KBTBD11: variants seen among roughly 807,000 people sequenced by gnomAD.
The protein encoded by KBTBD11 is kelch repeat and BTB domain containing 11, also known as kelch repeat and BTB domain-containing protein 11.
For missense variants in KBTBD11, 1,390 were observed against 1,001.8 expected, an observed-to-expected ratio of 1.39 and a Z score of -5.23; for synonymous variants, 747 against 499.0, an observed-to-expected ratio of 1.50 and a Z score of -6.63.
At position 2,001,121 on chromosome 8, in the gene KBTBD11, AGGCTCGACCTT is replaced by A; in HGVS notation, c.-68_-58del. ...CTGTGAGGCTGGAAACCCCGGAGTAAGGCTCGACCTTGGCCAGACCTGCAGGCTGCGGAACC... is the reference window on the plus strand; with the variant it reads ...CTGTGAGGCTGGAAACCCCGGAGTAAGGCCAGACCTGCAGGCTGCGGAACC... On this transcript the variant is annotated 5_prime_UTR_variant, in exon 2 of 2. Coordinates refer to ENST00000320248, the MANE Select transcript of KBTBD11 (RefSeq NM_014867.3). 2 of 1,265,836 alleles carry A rather than the reference AGGCTCGACCTT, an allele frequency of 1.6e-6. No homozygotes were observed. Among genetic ancestry groups the A allele is most frequent in the Non-Finnish European group, 2.0e-6 (2 of 1,006,240 alleles). The allele number at this position is 1,265,836 out of a possible 1,614,324, so 78.4% of individuals were successfully genotyped here. A position where few individuals can be genotyped will look rare whatever the true frequency, so the allele number is the denominator to read the frequency against.
At chr8:1,984,389 C>T (rs1331563507) in intron 1 of KBTBD11, among the ~76,000 whole-genome samples, 6 of 147,042 alleles carry the variant, frequency 4.1e-5, no homozygotes, top group South Asian at 2.2e-4. Flanking sequence ...CCCGGGTTCA[C>T]GCCGTTCTCC....
rs1817328053 is a variant in KBTBD11, at chr8:2,001,136, C to G, written c.-57C>G. The G allele has an allele frequency of 1.1e-5, 14 of 1,284,968 alleles. No individual in the cohort carries two copies. In the South Asian group the frequency reaches 3.0e-4, roughly 27 times the overall value. The allele number at this position is 1,284,968 out of a possible 1,614,324, so 79.6% of individuals were successfully genotyped here. A position where few individuals can be genotyped will look rare whatever the true frequency, so the allele number is the denominator to read the frequency against. On this transcript the variant is annotated 5_prime_UTR_variant, in exon 2 of 2. Coordinates refer to ENST00000320248, the MANE Select transcript of KBTBD11 (RefSeq NM_014867.3). ...CCCCGGAGTAAGGCTCGACCTTGGCCAGACCTGCAGGCTGCGGAACCGGGG... is the reference window on the plus strand; with the variant it reads ...CCCCGGAGTAAGGCTCGACCTTGGCGAGACCTGCAGGCTGCGGAACCGGGG...
At chr8:1,991,103 C>T (rs971201022) in intron 1 of KBTBD11, among the ~76,000 whole-genome samples, 2 of 147,742 alleles carry the variant, frequency 1.4e-5, no homozygotes, top group Non-Finnish European at 3.0e-5. Context: ...GTAGATGCTG[C>T]CGGGCCTTGG....
chr8:1,993,357 C>T (rs959168021), intron 1 of KBTBD11, among the ~76,000 whole-genome samples: 1 of 116,058 alleles, frequency 8.6e-6, no homozygotes, highest in African/African-American at 2.6e-5. Flanking sequence ...GTCCATCCAT[C>T]GGTCCATCCG....
intron 1 of KBTBD11, among the ~76,000 whole-genome samples, chr8:1,994,715 C>T (rs1817067090): frequency 6.6e-6 from 1 of 152,304 alleles, no homozygotes; most frequent in African/African-American, 2.4e-5. Context: ...CACGTGTTGT[C>T]AGGTCACACT....
rs1391887667 is a variant in KBTBD11 at position 2,001,982 on chromosome 8, C to T, written c.790C>T (p.Leu264=). ...CTACTGCTTCATGAGCGACCACTAT[C>T]TGGAGGTGCTGCGCGAGCCCGCCGT... ...AAYCFMSDHY[L]EVLREPAVFG... Residue 264 remains leucine, a synonymous_variant, in exon 2 of 2, where the codon CTG becomes TTG. Coordinates refer to ENST00000320248, the MANE Select transcript of KBTBD11 (RefSeq NM_014867.3). The T allele has an allele frequency of 2.8e-6, 4 of 1,447,424 alleles. No homozygotes were observed. The highest frequency in any genetic ancestry group is 9.1e-7 in the Non-Finnish European group (1 of 1,094,838). 89.7% of individuals were successfully genotyped at this position (1,447,424 alleles called of 1,614,324 possible). A position where few individuals can be genotyped will look rare whatever the true frequency, so the allele number is the denominator to read the frequency against.
chr8:2,000,113 C>T (rs1015664520), intron 1 of KBTBD11, among the ~76,000 whole-genome samples, 172 bp from the exon 2 acceptor site: 18 of 152,150 alleles, frequency 1.2e-4, no homozygotes, highest in African/African-American at 4.3e-4. Context: ...CTAAATAATT[C>T]TGCATGTCCT....
intron 1 of KBTBD11, among the ~76,000 whole-genome samples, chr8:1,997,521 G>C (rs1415218327): frequency 1.3e-5 from 2 of 152,250 alleles, no homozygotes; most frequent in African/African-American, 4.8e-5. Context: ...TCTGCAGGGA[G>C]ACCCGCGGCA....
intron 1 of KBTBD11, chr8:1,975,181 G>T (rs1816291488): frequency 6.6e-6 from 1 of 152,242 alleles, no homozygotes; most frequent in African/African-American, 2.4e-5. Context: ...ATGGTAACTG[G>T]CATTGCAATG....
In KBTBD11 at chr8:2,003,285, G is replaced by A. The variant is rs1817468443; in HGVS notation, c.*221G>A. On this transcript the variant is annotated 3_prime_UTR_variant, in exon 2 of 2. Transcript: ENST00000320248. ...GTGGATGCCTTGAGACCCAGGAGGT[G>A]TGCGGATGGGTCCCTTGACAGACAG... is the stretch of plus-strand genomic sequence containing the variant. 2 of 580,350 alleles carry A rather than the reference G, an allele frequency of 3.4e-6. No individual in the cohort carries two copies. Among genetic ancestry groups the A allele is most frequent in the Non-Finnish European group, 5.2e-6 (2 of 386,268 alleles). 36.0% of individuals were successfully genotyped at this position (580,350 alleles called of 1,614,324 possible). A position where few individuals can be genotyped will look rare whatever the true frequency, so the allele number is the denominator to read the frequency against.
Position 2,002,971 on chromosome 8 carries a change from G to C in KBTBD11, c.1779G>C (p.Ala593=). ...GDAGQGGGFE[A]LGAPLDVRGV... Reference sequence around the variant, plus strand: ...CAGGCCAGGGCGGCGGCTTCGAGGCGCTGGGCGCCCCCTTGGACGTCCGGG... The same window carrying C: ...CAGGCCAGGGCGGCGGCTTCGAGGCCCTGGGCGCCCCCTTGGACGTCCGGG... Residue 593 remains alanine (A), a synonymous_variant, in exon 2 of 2, where the codon GCG becomes GCC. Coordinates refer to ENST00000320248, the MANE Select transcript of KBTBD11 (RefSeq NM_014867.3). This position sits in a 1 kb window ranked among gnomAD's most constrained non-coding sequence, Gnocchi z 4.1. The C allele has an allele frequency of 5.3e-6, 7 of 1,313,968 alleles. No individual in the cohort carries two copies. Among genetic ancestry groups the C allele is most frequent in the Non-Finnish European group, 6.8e-6 (7 of 1,032,616 alleles). The allele number at this position is 1,313,968 out of a possible 1,614,324, so 81.4% of individuals were successfully genotyped here.
In KBTBD11 at chr8:2,003,403, A is replaced by C; in HGVS notation, c.*339A>C. The C allele has an allele frequency of 8.6e-6, 2 of 232,014 alleles. No homozygotes were observed. 14.4% of individuals were successfully genotyped at this position (232,014 alleles called of 1,614,324 possible). ...TGCAGCCGGCCCCGGGGTGTCCCGA[A>C]CCCCGCAGAGCACCGAGGCTGTGCG... is the stretch of plus-strand genomic sequence containing the variant. On this transcript the variant is annotated 3_prime_UTR_variant, in exon 2 of 2. Coordinates refer to ENST00000320248, the MANE Select transcript of KBTBD11 (RefSeq NM_014867.3).
At chr8:1,998,889 G>A (rs7831533) in intron 1 of KBTBD11, among the ~76,000 whole-genome samples, 17,014 of 152,132 alleles carry the variant, frequency 0.11, 2,255 homozygotes, top group African/African-American at 0.32. Context: ...CCGTTACATT[G>A]TGGTCCTTTC....
intron 1 of KBTBD11, chr8:1,974,363 C>T: frequency 1.0e-6 from 1 of 984,762 alleles, no homozygotes; most frequent in Non-Finnish European, 1.2e-6. Context: ...GCCGCCCCAG[C>T]CGGCACGGAA....
At chr8:1,982,660 A>T (rs1816577796) in intron 1 of KBTBD11, among the ~76,000 whole-genome samples, 1 of 152,186 alleles carries the variant, frequency 6.6e-6, no homozygotes, top group African/African-American at 2.4e-5. Flanking sequence ...CAGCACTCAG[A>T]AGCTTTGTAC....
chr8:2,004,816 A>G lies in KBTBD11; in HGVS notation c.*1752A>G, dbSNP rs1289038577. 2 of 167,084 alleles carry G rather than the reference A, an allele frequency of 1.2e-5. No homozygotes were observed. Among genetic ancestry groups the G allele is most frequent in the Non-Finnish European group, 2.9e-5 (2 of 68,122 alleles). 10.4% of individuals were successfully genotyped at this position (167,084 alleles called of 1,614,324 possible). A position where few individuals can be genotyped will look rare whatever the true frequency, so the allele number is the denominator to read the frequency against. On this transcript the variant is annotated 3_prime_UTR_variant, in exon 2 of 2. Transcript: ENST00000320248. ...GTATACTGGAGAAATGGTTGTAGAA[A>G]CAGTATTTACAGCAAAAGGAAACAA...
rs1367507353 is a variant in KBTBD11, at chr8:2,000,774, A to G, written c.-419A>G. The G allele has an allele frequency of 1.8e-5, 3 of 168,614 alleles. No homozygotes were observed. The highest frequency in any genetic ancestry group is 3.8e-5 in the Non-Finnish European group (3 of 79,116). The allele number at this position is 168,614 out of a possible 1,614,324, so 10.4% of individuals were successfully genotyped here. On this transcript the variant is annotated 5_prime_UTR_variant, in exon 2 of 2. Coordinates refer to ENST00000320248, the MANE Select transcript of KBTBD11 (RefSeq NM_014867.3). Reference sequence around the variant, plus strand: ...TAGTCAGCCAGCGTTGCAAAGAGGGATAGCTAGTCACTCAGGCTGCAGAGA... The same window carrying G: ...TAGTCAGCCAGCGTTGCAAAGAGGGGTAGCTAGTCACTCAGGCTGCAGAGA...
intron 1 of KBTBD11, among the ~76,000 whole-genome samples, chr8:1,981,439 G>T (rs1816537999): frequency 6.6e-6 from 1 of 152,202 alleles, no homozygotes; most frequent in Non-Finnish European, 1.5e-5. Context: ...TACATCTTCA[G>T]TATGAAGGCT....
At position 2,001,478 on chromosome 8, in the gene KBTBD11, G is replaced by A. The variant is rs1235094770; in HGVS notation, c.286G>A (p.Glu96Lys). ...CCCGGAGGAGCTCGCGTCCCCTGAG[G>A]AGCGCGCGTGCCCGGAAGAGCCCGC... ...ASPEELASPE[E>K]RACPEEPAAP... Residue 96 changes from glutamate (E) to lysine (K), a missense_variant, in exon 2 of 2, where the codon GAG becomes AAG. Glu to Lys is a moderately conservative substitution (Grantham distance 56). Coordinates refer to ENST00000320248, the MANE Select transcript of KBTBD11 (RefSeq NM_014867.3). The A allele has an allele frequency of 3.6e-6, 5 of 1,380,520 alleles. No individual in the cohort carries two copies. The highest frequency in any genetic ancestry group is 4.7e-6 in the Non-Finnish European group (5 of 1,074,892). 85.5% of individuals were successfully genotyped at this position (1,380,520 alleles called of 1,614,324 possible). A position where few individuals can be genotyped will look rare whatever the true frequency, so the allele number is the denominator to read the frequency against.
Sources: allele counts gnomAD v4.1 joint callset (sites outside exome capture counted in the v4.1 genomes callset), GRCh38; gene constraint gnomAD v4.1.1; non-coding constraint Gnocchi (gnomAD v3.1); transcripts MANE v1.5; gene names NCBI Gene and HGNC (gene_info 2026-07-23, HGNC 2026-07-21).